Variants in ZEB1 observed in about 807,000 individuals in gnomAD.
The protein encoded by ZEB1 is zinc finger E-box-binding homeobox 1.
ZEB1 carries 21 observed loss-of-function variants against 84.9 expected under a neutral mutation model. That is an observed-to-expected ratio of 0.25 (90% CI 0.18 to 0.36). ZEB1 has a LOEUF of 0.36. Among genes scored for constraint, ZEB1 ranks in the 10% least tolerant of loss-of-function variants. The pLI, the probability that ZEB1 is intolerant of heterozygous loss-of-function variation, is 1.00. For synonymous variants in ZEB1, 420 were observed against 471.1 expected, an observed-to-expected ratio of 0.89 and a Z score of 1.41; for missense variants, 1,104 against 1,330.2, an observed-to-expected ratio of 0.83 and a Z score of 2.65.
At chr10:31,370,880 CTG>C (rs1282298012) in intron 1 of ZEB1, among the ~76,000 whole-genome samples, 2 of 152,080 alleles carry the variant, frequency 1.3e-5, no homozygotes, top group Non-Finnish European at 2.9e-5. Context: ...AATTCTAAGA[CTG>C]TTTTTAAAAA....
At chr10:31,356,718 G>GTTGTA (rs1304383956) in intron 1 of ZEB1, among the ~76,000 whole-genome samples, 2 of 152,052 alleles carry the variant, frequency 1.3e-5, no homozygotes, top group Non-Finnish European at 2.9e-5. Context: ...GGATACCATA[G>GTTGTA]TCAACTACCT....
chr10:31,382,088 A>G (rs2047795267), intron 1 of ZEB1, among the ~76,000 whole-genome samples: 1 of 151,410 alleles, frequency 6.6e-6, no homozygotes, highest in Non-Finnish European at 1.5e-5. Flanking sequence ...GTCAAGAGAC[A>G]TGGCCTGGAT....
intron 1 of ZEB1, among the ~76,000 whole-genome samples, chr10:31,398,977 A>G (rs1012496296): frequency 6.7e-6 from 1 of 150,258 alleles, no homozygotes; most frequent in African/African-American, 2.4e-5. Flanking sequence ...GCTAATGATC[A>G]GAAGTCCTTT....
chr10:31,319,901 C>G (rs1352217809), intron 1 of ZEB1: 1 of 147,088 alleles, frequency 6.8e-6, no homozygotes, highest in Non-Finnish European at 1.5e-5. Context: ...CGGGCTGCGG[C>G]GGCGGCGGGA....
intron 2 of ZEB1, among the ~76,000 whole-genome samples, chr10:31,468,267 C>T (rs763221488): frequency 1.3e-5 from 2 of 152,154 alleles, no homozygotes; most frequent in East Asian, 1.9e-4. Flanking sequence ...CCACACCCCC[C>T]ACCCATCACC....
chr10:31,391,115 C>T (rs1294101925), intron 1 of ZEB1, among the ~76,000 whole-genome samples: 1 of 152,030 alleles, frequency 6.6e-6, no homozygotes, highest in Non-Finnish European at 1.5e-5. Flanking sequence ...GTTAGCGTTC[C>T]AAAGTTAAGC....
At chr10:31,483,361 T>G (rs1463053210) in intron 2 of ZEB1, among the ~76,000 whole-genome samples, 1 of 152,020 alleles carries the variant, frequency 6.6e-6, no homozygotes, top group Non-Finnish European at 1.5e-5. Context: ...AGATGGTACA[T>G]TAAGTAATGG....
intron 5 of ZEB1, among the ~76,000 whole-genome samples, chr10:31,512,685 C>A (rs933309674): frequency 6.6e-6 from 1 of 152,058 alleles, no homozygotes. Flanking sequence ...ATATTAGGGA[C>A]CATACATTAG....
chr10:31,472,092 G>A (rs1027243180), intron 2 of ZEB1, among the ~76,000 whole-genome samples: 3 of 150,306 alleles, frequency 2.0e-5, no homozygotes, highest in Admixed American at 1.3e-4. Flanking sequence ...AGCACTAAAT[G>A]CCCACAAGAG....
chr10:31,522,220 A>C (rs1407081589), intron 7 of ZEB1, among the ~76,000 whole-genome samples: 1 of 152,232 alleles, frequency 6.6e-6, no homozygotes, highest in Admixed American at 6.5e-5. Context: ...AAATCAAAAA[A>C]CAAAATTGAA....
intron 2 of ZEB1, among the ~76,000 whole-genome samples, chr10:31,473,861 G>GT (rs1173182248): frequency 6.6e-6 from 1 of 150,544 alleles, no homozygotes; most frequent in Non-Finnish European, 1.5e-5. Flanking sequence ...CCAAAACAGA[G>GT]ATATAGATCA....
chr10:31,460,905 A>T, intron 1 of ZEB1, 132 bp from the exon 2 acceptor site: 1 of 774,030 alleles, frequency 1.3e-6, no homozygotes, highest in Non-Finnish European at 2.2e-6. Context: ...CAAATAAATT[A>T]GTTGTTAACA....
chr10:31,319,896 T>TGCGGCG (rs548475989), intron 1 of ZEB1: 27,444 of 146,178 alleles, frequency 0.19, 4,867 homozygotes, highest in African/African-American at 0.47. Flanking sequence ...GCAGGCGGGC[T>TGCGGCG]GCGGCGGCGG....
At chr10:31,383,607 C>T (rs2048091180) in intron 1 of ZEB1, among the ~76,000 whole-genome samples, 2 of 152,142 alleles carry the variant, frequency 1.3e-5, no homozygotes, top group Non-Finnish European at 2.9e-5. Flanking sequence ...TGTACTGGTA[C>T]TGTTCAGTAT....
intron 1 of ZEB1, among the ~76,000 whole-genome samples, chr10:31,333,337 C>G (rs1056454419): frequency 6.6e-6 from 1 of 152,094 alleles, no homozygotes; most frequent in Non-Finnish European, 1.5e-5. Flanking sequence ...ATTACATTCT[C>G]TGAGTTTCTG....
At chr10:31,454,380 C>T (rs1429938182) in intron 1 of ZEB1, among the ~76,000 whole-genome samples, 1 of 152,156 alleles carries the variant, frequency 6.6e-6, no homozygotes, top group Non-Finnish European at 1.5e-5. Context: ...CTCACCACTC[C>T]TATTCAACAT....
intron 1 of ZEB1, among the ~76,000 whole-genome samples, chr10:31,423,381 TTAAG>T (rs940878228): frequency 6.6e-6 from 1 of 152,158 alleles, no homozygotes; most frequent in African/African-American, 2.4e-5. Context: ...GTAAATGTTT[TTAAG>T]TAAGCATTTC....
intron 2 of ZEB1, among the ~76,000 whole-genome samples, chr10:31,466,319 C>A (rs1261022878): frequency 2.0e-5 from 3 of 152,120 alleles, no homozygotes; most frequent in African/African-American, 7.2e-5. Flanking sequence ...GCACATTTTT[C>A]TCACTCAAAC....
intron 7 of ZEB1, 129 bp from the exon 8 acceptor site, chr10:31,523,800 GTGCT>G: frequency 9.9e-7 from 1 of 1,011,728 alleles, no homozygotes; most frequent in Non-Finnish European, 1.5e-6. Context: ...GAAGATCAGT[GTGCT>G]TGCTTTGGTC....
Sources: gnomAD v4.1 joint callset for allele counts (sites outside exome capture counted in the v4.1 genomes callset) on GRCh38, gnomAD v4.1.1 for gene constraint, MANE v1.5 for transcripts, NCBI Gene and HGNC (gene_info 2026-07-23, HGNC 2026-07-21) for gene names.